The following PREX2 variants were observed in gnomAD, a reference collection of about 807,000 sequenced individuals.
PREX2 encodes phosphatidylinositol-3,4,5-trisphosphate dependent Rac exchange factor 2, also known as phosphatidylinositol 3,4,5-trisphosphate-dependent Rac exchanger 2 protein.
In PREX2, 107 loss-of-function variants were observed where a neutral mutation model predicts 203.2. The ratio of observed to expected loss-of-function variants is 0.53; its 90% CI spans 0.45 to 0.62. PREX2 has a LOEUF of 0.62. Among genes scored for constraint, PREX2 ranks in the 20% least tolerant of loss-of-function variants. The pLI, the probability that PREX2 is intolerant of heterozygous loss-of-function variation, is 0.00. For synonymous variants in PREX2, 672 were observed against 663.6 expected (o/e 1.01, Z -0.19); for missense variants, 1,777 against 1,955.9 (o/e 0.91, Z 1.72).
chr8:68,109,345 T>C (rs1810485802), intron 24 of PREX2, 71 bp from the exon 25 acceptor site: 1 of 1,106,424 alleles, frequency 9.0e-7, no homozygotes, highest in East Asian at 2.4e-5. Flanking sequence ...ATAAATGAAA[T>C]TAATTGGACT....
At chr8:68,219,515 C>T (rs973578549) in intron 38 of PREX2, among the ~76,000 whole-genome samples, 2 of 152,072 alleles carry the variant, frequency 1.3e-5, no homozygotes, top group African/African-American at 4.8e-5. Flanking sequence ...CAGTATATAT[C>T]ACTTGTTCTT....
chr8:68,163,921 A>C (rs1204112664), intron 35 of PREX2, among the ~76,000 whole-genome samples: 4 of 152,162 alleles, frequency 2.6e-5, no homozygotes, highest in African/African-American at 7.2e-5. Context: ...TCCAGTCATC[A>C]CATACACCAA....
intron 1 of PREX2, among the ~76,000 whole-genome samples, chr8:68,006,939 A>G (rs1280301016): frequency 6.6e-6 from 1 of 152,296 alleles, no homozygotes; most frequent in African/African-American, 2.4e-5. Context: ...TTGATGGTTA[A>G]TTTTCATAAC....
intron 34 of PREX2, among the ~76,000 whole-genome samples, chr8:68,155,637 T>A (rs926662386): frequency 2.6e-5 from 4 of 152,182 alleles, no homozygotes; most frequent in African/African-American, 9.7e-5. Context: ...ATTTTGAAAT[T>A]GTTTATTAAA....
chr8:68,207,445 T>C (rs1365097648), intron 37 of PREX2, among the ~76,000 whole-genome samples: 1 of 152,140 alleles, frequency 6.6e-6, no homozygotes, highest in East Asian at 1.9e-4. Context: ...TATAATATCA[T>C]TGGCACACAT....
intron 35 of PREX2, among the ~76,000 whole-genome samples, chr8:68,188,375 C>CTTACAAA (rs1812231027): frequency 6.6e-6 from 1 of 152,066 alleles, no homozygotes; most frequent in African/African-American, 2.4e-5. Context: ...AATTCCAAAG[C>CTTACAAA]ACATGAGGAA....
chr8:68,087,856 A>T (rs1459242490), intron 19 of PREX2, 47 bp downstream of exon 19: 6 of 1,194,870 alleles, frequency 5.0e-6, no homozygotes, highest in Non-Finnish European at 7.5e-6. Context: ...CAGGTTTGGG[A>T]TGTGCCCGAT....
At chr8:68,148,157 G>T (rs1811364356) in intron 34 of PREX2, among the ~76,000 whole-genome samples, 1 of 152,124 alleles carries the variant, frequency 6.6e-6, no homozygotes, top group South Asian at 2.1e-4. Flanking sequence ...TGAGGCACAA[G>T]AATTGCTTGA....
chr8:68,105,406 A>G (rs1810380820), intron 23 of PREX2: 1 of 1,302,020 alleles, frequency 7.7e-7, no homozygotes, highest in Non-Finnish European at 1.0e-6. Flanking sequence ...GACACAGTAC[A>G]CAGCCCTTCC....
chr8:68,116,048 A>C (rs1436614973), intron 26 of PREX2, 116 bp downstream of exon 26: 1 of 818,410 alleles, frequency 1.2e-6, no homozygotes, highest in Non-Finnish European at 1.9e-6. Flanking sequence ...GGTCTTTCAC[A>C]ATAATCACCT....
chr8:68,200,818 G>T (rs1812487639), intron 37 of PREX2, among the ~76,000 whole-genome samples: 1 of 152,090 alleles, frequency 6.6e-6, no homozygotes, highest in Admixed American at 6.5e-5. Context: ...TGCTTTTGGT[G>T]CATATAAAAG....
Position 68,103,008 on chromosome 8 carries a change from G to A in PREX2, c.2715+3165G>A, listed in dbSNP as rs187937095. On this transcript the variant is annotated intron_variant, in intron 23 of 39. Coordinates refer to ENST00000288368, the MANE Select transcript of PREX2 (RefSeq NM_024870.4). ...GGAAACGCTTCTTTGTTTTACATTT[G>A]TTCTTCTGCTTTAGAATAATTCCAT... 2.7e-3 allele frequency: 1,365 copies of A among 499,830 alleles called. 5 individuals are homozygous for A. The highest frequency in any genetic ancestry group is 4.4e-3 in the Non-Finnish European group (1,093 of 249,556). 31.0% of individuals were successfully genotyped at this position (499,830 alleles called of 1,614,324 possible). A position where few individuals can be genotyped will look rare whatever the true frequency, so the allele number is the denominator to read the frequency against.
chr8:68,180,549 G>C (rs1812064169), intron 35 of PREX2, among the ~76,000 whole-genome samples: 1 of 152,042 alleles, frequency 6.6e-6, no homozygotes, highest in Non-Finnish European at 1.5e-5. Context: ...AGTGTGAATA[G>C]TGAGGCAAGC....
At chr8:68,001,632 G>C (rs113176872) in intron 1 of PREX2, among the ~76,000 whole-genome samples, 15,268 of 152,158 alleles carry the variant, frequency 0.1, 806 homozygotes, top group South Asian at 0.16. Context: ...CTACCATAAA[G>C]ATACGTGCAC....
chr8:68,112,743 A>G lies in PREX2; in HGVS notation c.3147-3010A>G, dbSNP rs532657024. On this transcript the variant is annotated intron_variant, in intron 25 of 39. Coordinates refer to ENST00000288368, the MANE Select transcript of PREX2 (RefSeq NM_024870.4). ...TGTGCAAGTTAGATGCAGGGAGAGG[A>G]AATCCTGCTTAATTTGCACAGGATA... is the stretch of plus-strand genomic sequence containing the variant. Among the ~76,000 whole-genome samples the G allele has an allele frequency of 1.5e-4, 23 of 152,260 alleles. No individual in the cohort carries two copies. The South Asian group carries it at 2.5e-3, about 16-fold the overall frequency.
At chr8:68,014,325 C>G (rs1807350345) in intron 1 of PREX2, among the ~76,000 whole-genome samples, 1 of 152,102 alleles carries the variant, frequency 6.6e-6, no homozygotes, top group African/African-American at 2.4e-5. Flanking sequence ...AAAGAGTACT[C>G]TGGGAAAAAG....
intron 1 of PREX2, among the ~76,000 whole-genome samples, chr8:68,002,411 TG>T (rs1433349833): frequency 6.6e-6 from 1 of 152,196 alleles, no homozygotes; most frequent in Non-Finnish European, 1.5e-5. Context: ...TCTCCCAAAG[TG>T]CTGGGATTAC....
chr8:68,161,828 T>G (rs1364023760), intron 35 of PREX2, among the ~76,000 whole-genome samples: 4 of 152,170 alleles, frequency 2.6e-5, no homozygotes, highest in African/African-American at 9.7e-5. Flanking sequence ...TTGCATTAGT[T>G]TGTTCTCATA....
Position 68,109,582 on chromosome 8 carries a change from T to C in PREX2, c.3105T>C (p.Thr1035=), listed in dbSNP as rs1181937918. ...AGAAACTGCTGGGCAAACTTCAGAC[T>C]GCACTGAAAGAGGTGGAGATGTGTG... is the stretch of plus-strand genomic sequence containing the variant. ...IYQKLLGKLQ[T]ALKEVEMCVC... is the part of the protein sequence containing the mutation. The change falls in exon 25 of 40, where the codon ACT becomes ACC. Residue 1035 remains threonine, a synonymous_variant. Coordinates refer to ENST00000288368, the MANE Select transcript of PREX2 (RefSeq NM_024870.4). 1 of 1,613,998 alleles carries C rather than the reference T, an allele frequency of 6.2e-7. No homozygotes were observed. Among genetic ancestry groups the C allele is most frequent in the South Asian group, 1.1e-5 (1 of 91,078 alleles).
Sources: gnomAD v4.1 joint callset for allele counts (sites outside exome capture counted in the v4.1 genomes callset) on GRCh38, gnomAD v4.1.1 for gene constraint, MANE v1.5 for transcripts, NCBI Gene and HGNC (gene_info 2026-07-23, HGNC 2026-07-21) for gene names.